SSBP2: variants seen among roughly 807,000 people sequenced by gnomAD.
The protein encoded by SSBP2 is single-stranded DNA-binding protein 2.
Under a neutral mutation model 61.8 loss-of-function variants are expected in SSBP2, and 17 were observed. The observed-to-expected ratio is 0.28, with a 90% CI of 0.19 to 0.41. SSBP2 has a LOEUF of 0.41. Among genes scored for constraint, SSBP2 ranks in the 10% least tolerant of loss-of-function variants. The pLI is 1.00. For missense variants in SSBP2, 310 were observed against 458.7 expected (o/e 0.68, Z 2.96); for synonymous variants, 139 against 141.3 (o/e 0.98, Z 0.12).
chr5:81,623,462 A>T (rs1746827838), intron 3 of SSBP2, among the ~76,000 whole-genome samples: 1 of 151,104 alleles, frequency 6.6e-6, no homozygotes, highest in African/African-American at 2.4e-5. Context: ...CAGCCTCCCG[A>T]GTAGCTGGGA....
intron 3 of SSBP2, among the ~76,000 whole-genome samples, chr5:81,616,755 G>A (rs967350953): frequency 6.6e-6 from 1 of 150,976 alleles, no homozygotes; most frequent in Non-Finnish European, 1.5e-5. Context: ...CTGGAGATCT[G>A]AGAACGGGCA....
At chr5:81,447,027 T>A (rs1763447660) in intron 11 of SSBP2, 105 bp from the exon 12 acceptor site, 11 of 720,068 alleles carry the variant, frequency 1.5e-5, no homozygotes, top group Non-Finnish European at 2.1e-5. Flanking sequence ...AGAGCAGAAA[T>A]ATATTTTCTC....
chr5:81,477,416 T>G (rs911876981), intron 6 of SSBP2, among the ~76,000 whole-genome samples: 71 of 152,250 alleles, frequency 4.7e-4, no homozygotes, highest in African/African-American at 1.5e-3. Context: ...TACTTCAGGA[T>G]TATTTTTAGT....
intron 1 of SSBP2, among the ~76,000 whole-genome samples, chr5:81,739,038 G>A (rs1230825475): frequency 2.6e-5 from 4 of 151,466 alleles, no homozygotes; most frequent in South Asian, 2.1e-4. Flanking sequence ...GGTGGTGCAC[G>A]CCTGTAGTCC....
At chr5:81,528,903 A>G (rs1770167437) in intron 4 of SSBP2, among the ~76,000 whole-genome samples, 2 of 152,238 alleles carry the variant, frequency 1.3e-5, no homozygotes, top group South Asian at 4.1e-4. Flanking sequence ...TGAACAAATC[A>G]ATAATCACAG....
chr5:81,541,296 C>T (rs999062666), intron 4 of SSBP2, among the ~76,000 whole-genome samples: 1 of 152,154 alleles, frequency 6.6e-6, no homozygotes, highest in Non-Finnish European at 1.5e-5. Flanking sequence ...AAAAACATCT[C>T]ATGCTCACAG....
intron 1 of SSBP2, among the ~76,000 whole-genome samples, chr5:81,708,103 G>A (rs188275077): frequency 4.9e-4 from 75 of 152,034 alleles, no homozygotes; most frequent in Non-Finnish European, 1.0e-4. Flanking sequence ...ATAACCCCCC[G>A]CTAAGACACA....
chr5:81,652,907 A>ACCCTTTCC (rs1749860086), intron 1 of SSBP2, among the ~76,000 whole-genome samples: 1 of 123,446 alleles, frequency 8.1e-6, no homozygotes, highest in Admixed American at 8.3e-5. Context: ...CCCCCCTCCC[A>ACCCTTTCC]CCCTTTCCCC....
chr5:81,442,809 T>A (rs1763119464), intron 12 of SSBP2, 86 bp from the exon 13 acceptor site: 1 of 644,692 alleles, frequency 1.6e-6, no homozygotes, highest in East Asian at 3.1e-5. Flanking sequence ...ATGGTTTGCA[T>A]ACAGATACCT....
chr5:81,618,125 A>G (rs1159129140), intron 3 of SSBP2, among the ~76,000 whole-genome samples: 2 of 97,854 alleles, frequency 2.0e-5, no homozygotes, highest in East Asian at 5.1e-4. Flanking sequence ...ATATAAATGG[A>G]CTAAATTCTG....
chr5:81,618,231 A>T (rs1222719790), intron 3 of SSBP2, among the ~76,000 whole-genome samples: 2 of 87,142 alleles, frequency 2.3e-5, no homozygotes, highest in African/African-American at 3.8e-5. Context: ...AGACACACAT[A>T]GGCTCAAAAT....
chr5:81,713,534 G>A (rs1581403553), intron 1 of SSBP2, among the ~76,000 whole-genome samples: 2 of 152,112 alleles, frequency 1.3e-5, no homozygotes, highest in African/African-American at 4.8e-5. Context: ...CATCCACTAA[G>A]AGTCTTCCCT....
intron 1 of SSBP2, among the ~76,000 whole-genome samples, chr5:81,720,459 C>T (rs1755468045): frequency 6.6e-6 from 1 of 152,188 alleles, no homozygotes; most frequent in Non-Finnish European, 1.5e-5. Context: ...CAGAATCTTT[C>T]AGAACACTAA....
intron 1 of SSBP2, among the ~76,000 whole-genome samples, chr5:81,664,267 C>A (rs1283656446): frequency 6.6e-6 from 1 of 151,610 alleles, no homozygotes; most frequent in Admixed American, 6.6e-5. Context: ...GGACTATGGG[C>A]ATTTGCCACC....
intron 3 of SSBP2, among the ~76,000 whole-genome samples, chr5:81,630,164 T>C (rs1218347683): frequency 6.6e-6 from 1 of 152,204 alleles, no homozygotes; most frequent in East Asian, 1.9e-4. Flanking sequence ...TCCTGAAGAA[T>C]GCATGTTATC....
At chr5:81,480,723 A>T (rs1290127958) in intron 6 of SSBP2, among the ~76,000 whole-genome samples, 1 of 152,212 alleles carries the variant, frequency 6.6e-6, no homozygotes, top group Admixed American at 6.5e-5. Context: ...GCAATTTCTT[A>T]AAATAGATAA....
chr5:81,745,921 TAAAAC>T (rs1267437432), intron 1 of SSBP2, among the ~76,000 whole-genome samples: 2 of 152,212 alleles, frequency 1.3e-5, no homozygotes, highest in South Asian at 2.1e-4. Flanking sequence ...GCTCTAATCT[TAAAAC>T]AAAATAATTC....
At chr5:81,506,715 C>A (rs1465574929) in intron 5 of SSBP2, among the ~76,000 whole-genome samples, 1 of 152,032 alleles carries the variant, frequency 6.6e-6, no homozygotes, top group Non-Finnish European at 1.5e-5. Flanking sequence ...TTTAGGAAGT[C>A]TGAATAGGAA....
chr5:81,530,329 TGA>T (rs1406326668), intron 4 of SSBP2, among the ~76,000 whole-genome samples: 1 of 152,092 alleles, frequency 6.6e-6, no homozygotes, highest in East Asian at 1.9e-4. Flanking sequence ...TAGTTGAATT[TGA>T]GTTGATACAC....
Sources: gnomAD v4.1 joint callset for allele counts (sites outside exome capture counted in the v4.1 genomes callset) on GRCh38, gnomAD v4.1.1 for gene constraint, MANE v1.5 for transcripts, NCBI Gene and HGNC (gene_info 2026-07-23, HGNC 2026-07-21) for gene names.